CEL: variants seen among roughly 807,000 people sequenced by gnomAD.
CEL encodes bile salt-activated lipase.
A neutral mutation model predicts 57.1 loss-of-function variants in CEL; 39 were observed. The observed-to-expected ratio is 0.68, with a 90% CI of 0.53 to 0.89. CEL has a LOEUF of 0.89. Among genes scored for constraint, CEL ranks in the 40% least tolerant of loss-of-function variants. The pLI is 0.00. For synonymous variants in CEL, 314 were observed against 396.6 expected (o/e 0.79, Z 2.48); for missense variants, 698 against 915.0 (o/e 0.76, Z 3.06).
At chr9:133,069,717 T>C (rs575411853) in intron 9 of CEL, among the ~76,000 whole-genome samples, 1 of 152,248 alleles carries the variant, frequency 6.6e-6, no homozygotes, top group African/African-American at 2.4e-5. Context: ...ATGCCTGTAA[T>C]CCCAGCACAT....
rs1435931598 is a variant in CEL at position 133,070,512 on chromosome 9, C to G, written c.1338C>G (p.Val446=). Residue 446 remains valine, a synonymous_variant, in exon 10 of 11, where the codon GTC becomes GTG. Transcript: ENST00000372080. The part of the protein sequence containing the change: ...YLFSHPSRMP[V]YPKWVGADHA... ...TTTCCCATCCCTCTCGGATGCCCGT[C>G]TACCCCAAATGGGTGGGGGCCGACC... The G allele has an allele frequency of 6.2e-7, 1 of 1,614,004 alleles. No homozygotes were observed. The highest frequency in any genetic ancestry group is 8.5e-7 in the Non-Finnish European group (1 of 1,180,008).
In CEL at chr9:133,064,255, G is replaced by A. The variant is rs1830137659; in HGVS notation, c.67-149G>A. 3.8e-5 allele frequency: 37 copies of A among 970,314 alleles called. No individual in the cohort carries two copies. The South Asian group carries it at 5.0e-4, about 13-fold the overall frequency. The allele number at this position is 970,314 out of a possible 1,614,324, so 60.1% of individuals were successfully genotyped here. ...CTAAAGCCCTGAGCATTGCAGGGCA[G>A]GGGGTGCTGCCTGGGTCTCCTGTGC... On this transcript the variant is annotated intron_variant, in intron 1 of 10. Coordinates refer to ENST00000372080, the MANE Select transcript of CEL (RefSeq NM_001807.6).
chr9:133,065,846 C>CAAA (rs34365056), intron 4 of CEL, among the ~76,000 whole-genome samples: 9 of 75,798 alleles, frequency 1.2e-4, no homozygotes, highest in East Asian at 8.1e-4. Flanking sequence ...AACTCTGTCT[C>CAAA]AAAAAAAAAA....
At chr9:133,070,354 C>T in intron 9 of CEL, 107 bp from the exon 10 acceptor site, 1 of 915,882 alleles carries the variant, frequency 1.1e-6, no homozygotes, top group Non-Finnish European at 1.7e-6. Context: ...TGTGAATTCC[C>T]CAGACACTTC....
In CEL at chr9:133,071,228, G is replaced by T; in HGVS notation, c.1726G>T (p.Asp576Tyr). Residue 576 changes from aspartate to tyrosine, a missense_variant, in exon 11 of 11, where the codon GAC becomes TAC. Physicochemically the swap from Asp to Tyr is radical, Grantham distance 160. Coordinates refer to ENST00000372080, the MANE Select transcript of CEL (RefSeq NM_001807.6). ...GGCCACTCCCGTGCCCCCCACGGGT[G>T]ACTCCGAGACCGCCCCCGTGCCGCC... ...SEATPVPPTG[D>Y]SETAPVPPTG... 1 of 1,592,842 alleles carries T rather than the reference G, an allele frequency of 6.3e-7. No individual in the cohort carries two copies. Among genetic ancestry groups the T allele is most frequent in the African/African-American group, 1.3e-5 (1 of 74,392 alleles).
At chr9:133,065,304 T>C (rs1830159725) in intron 4 of CEL, 67 bp downstream of exon 4, 1 of 1,553,632 alleles carries the variant, frequency 6.4e-7, no homozygotes, top group Admixed American at 1.7e-5. Context: ...GAGATTTTCC[T>C]CAGCACCCCT....
At position 133,066,502 on chromosome 9, in the gene CEL, A is replaced by G; in HGVS notation, c.539-28A>G. The G allele has an allele frequency of 6.2e-7, 1 of 1,613,534 alleles. No homozygotes were observed. The highest frequency in any genetic ancestry group is 1.1e-5 in the South Asian group (1 of 91,072). On this transcript the variant is annotated intron_variant, in intron 4 of 10. Coordinates refer to ENST00000372080, the MANE Select transcript of CEL (RefSeq NM_001807.6). This position sits in a 1 kb window ranked among gnomAD's most constrained non-coding sequence, Gnocchi z 4.3. Reference sequence around the variant, plus strand: ...GGCCAGGCCTGGGCCACTGGTCTCTAGCACCCCCTCCCCTGCCCTGCCCCC... The same window carrying G: ...GGCCAGGCCTGGGCCACTGGTCTCTGGCACCCCCTCCCCTGCCCTGCCCCC...
At position 133,071,783 on chromosome 9, in the gene CEL, A is replaced by G; in HGVS notation, c.*19A>G. ...GTTTTAGCGTCCCATGAGCCTTGGT[A>G]TCAAGAGGCCACAAGAGTGGGACCC... On this transcript the variant is annotated 3_prime_UTR_variant, in exon 11 of 11. Transcript: ENST00000372080. The G allele has an allele frequency of 1.9e-6, 3 of 1,609,924 alleles. No homozygotes were observed. The highest frequency in any genetic ancestry group is 2.5e-6 in the Non-Finnish European group (3 of 1,177,564).
chr9:133,064,844 G>A, intron 3 of CEL, 82 bp downstream of exon 3: 2 of 1,600,474 alleles, frequency 1.2e-6, no homozygotes, highest in Non-Finnish European at 8.5e-7. Flanking sequence ...TCTGGGGGCT[G>A]CAAAGCTGAA....
rs775183712 is a variant in CEL, at chr9:133,067,062, CCTGCTGGCCTTGGTT to C, written c.778-21_778-7del. The C allele has an allele frequency of 6.2e-7, 1 of 1,612,806 alleles. No individual in the cohort carries two copies. The highest frequency in any genetic ancestry group is 8.5e-7 in the Non-Finnish European group (1 of 1,178,782). On this transcript the variant is annotated splice_polypyrimidine_tract_variant and intron_variant, in intron 6 of 10. Transcript: ENST00000372080. ...GAGCCCTGAGCTCCGGCCTCACCTA[CCTGCTGGCCTTGGTT>C]CTGCCCCCAGGTGGCTGAGAAGGTG...
intron 1 of CEL, among the ~76,000 whole-genome samples, chr9:133,063,647 G>A (rs1414633432): frequency 6.6e-6 from 1 of 152,222 alleles, no homozygotes; most frequent in African/African-American, 2.4e-5. Flanking sequence ...TCAACAGGGT[G>A]ACTTCAAGCC....
chr9:133,063,256 G>A (rs1271694510), intron 1 of CEL, among the ~76,000 whole-genome samples: 5 of 152,158 alleles, frequency 3.3e-5, no homozygotes, highest in East Asian at 1.9e-4. Flanking sequence ...AGGTCATCAC[G>A]ACCCCTCCCC....
rs1178578456 is a variant in CEL, at chr9:133,066,690, C to T, written c.669+30C>T. 2 of 1,610,774 alleles carry T rather than the reference C, an allele frequency of 1.2e-6. No individual in the cohort carries two copies. The highest frequency in any genetic ancestry group is 2.2e-5 in the South Asian group (2 of 90,992). ...CGGGATCCCTGTGGGGAGGGCCTGC[C>T]CCACAGGTTGAGAGGAAGCTCAAAC... On this transcript the variant is annotated intron_variant, in intron 5 of 10. Transcript: ENST00000372080. This position sits in a 1 kb window ranked among gnomAD's most constrained non-coding sequence, Gnocchi z 4.3.
chr9:133,068,193 G>A (rs947214221), intron 7 of CEL, among the ~76,000 whole-genome samples: 24 of 152,168 alleles, frequency 1.6e-4, no homozygotes, highest in Admixed American at 1.5e-3. Context: ...CTAGGGGCCC[G>A]TCCAGGGGTC....
In CEL at chr9:133,066,853, A is replaced by C; in HGVS notation, c.685A>C (p.Asn229His). Residue 229 changes from asparagine (N) to histidine (H), a missense_variant, in exon 6 of 11, where the codon AAC (asparagine) becomes CAC (histidine). Transcript: ENST00000372080. This position sits in a 1 kb window ranked among gnomAD's most constrained non-coding sequence, Gnocchi z 4.3. ...SVSLQTLSPY[N>H]KGLIRRAISQ... ...GGTCCCGTAGACCCTCTCCCCCTAC[A>C]ACAAGGGCCTCATCCGGCGAGCCAT... 1.9e-6 allele frequency: 3 copies of C among 1,612,928 alleles called. No individual in the cohort carries two copies. Among genetic ancestry groups the C allele is most frequent in the Non-Finnish European group, 2.5e-6 (3 of 1,179,698 alleles).
chr9:133,070,452 C>T lies in CEL; in HGVS notation c.1287-9C>T. ...CACCCTGCCTACTTGGGTGGTCTCTCCCCTCCAGGAGTGCCAAGACCTACG... is the reference window on the plus strand; with the variant it reads ...CACCCTGCCTACTTGGGTGGTCTCTTCCCTCCAGGAGTGCCAAGACCTACG... On this transcript the variant is annotated splice_polypyrimidine_tract_variant and intron_variant, in intron 9 of 10. Transcript: ENST00000372080. 6.2e-7 allele frequency: 1 copy of T among 1,611,128 alleles called. No individual in the cohort carries two copies.
Position 133,065,029 on chromosome 9 carries a change from C to T in CEL, c.341-11C>T. 1 of 1,612,526 alleles carries T rather than the reference C, an allele frequency of 6.2e-7. No individual in the cohort carries two copies. Among genetic ancestry groups the T allele is most frequent in the East Asian group, 2.2e-5 (1 of 44,882 alleles). On this transcript the variant is annotated splice_polypyrimidine_tract_variant and intron_variant, in intron 3 of 10. Transcript: ENST00000372080. ...GGGCGTCTGGGGTCACCAGCCGCTC[C>T]CCCATCTCAGTCTCCCGGGACCTGC...
At position 133,066,730 on chromosome 9, in the gene CEL, G is replaced by A. The variant is rs1032474348; in HGVS notation, c.669+70G>A. ...GAAGCTCAAACGGGAAGGGGAGGGT[G>A]GGAGGAGGAGCGTGGAGCTGGGGCT... On this transcript the variant is annotated intron_variant, in intron 5 of 10. Coordinates refer to ENST00000372080, the MANE Select transcript of CEL (RefSeq NM_001807.6). The surrounding 1 kb of genome is among the most constrained non-coding windows in gnomAD (Gnocchi z 4.3). 29 of 1,606,574 alleles carry A rather than the reference G, an allele frequency of 1.8e-5. No individual in the cohort carries two copies. The African/African-American group carries it at 3.5e-4, about 19-fold the overall frequency.
At position 133,065,212 on chromosome 9, in the gene CEL, C is replaced by T. The variant is rs201733225; in HGVS notation, c.513C>T (p.Leu171=). 2.2e-4 allele frequency: 350 copies of T among 1,613,558 alleles called. 2 individuals carry two copies. The African/African-American group carries it at 4.3e-3, about 20-fold the overall frequency. The change falls in exon 4 of 11, where the codon CTC becomes CTT. Residue 171 remains leucine (L), a synonymous_variant. Transcript: ENST00000372080. The part of the protein sequence containing the change: ...FNYRVGPLGF[L]STGDANLPGN... ...ACCGTGTCGGCCCCCTTGGGTTCCT[C>T]AGCACTGGGGACGCCAATCTGCCAG...
Sources: allele counts gnomAD v4.1 joint callset (sites outside exome capture counted in the v4.1 genomes callset), GRCh38; gene constraint gnomAD v4.1.1; non-coding constraint Gnocchi (gnomAD v3.1); transcripts MANE v1.5; gene names NCBI Gene and HGNC (gene_info 2026-07-23, HGNC 2026-07-21).